Variants in RAB26 observed in about 807,000 individuals in gnomAD.
The protein encoded by RAB26 is ras-related protein Rab-26.
Under a neutral mutation model 33.1 loss-of-function variants are expected in RAB26, and 39 were observed. The ratio of observed to expected loss-of-function variants is 1.18; its 90% CI spans 0.91 to 1.54. The LOEUF is 1.54. Among genes scored for constraint, RAB26 ranks in the 40% most tolerant of loss-of-function variants. The probability of loss-of-function intolerance (pLI) is 0.00; values close to 1 mark genes in which losing one functional copy is unlikely to be tolerated. For synonymous variants in RAB26, 192 were observed against 151.9 expected (o/e 1.26, Z -1.94); for missense variants, 468 against 362.9 (o/e 1.29, Z -2.35).
At chr16:2,149,196 C>G (rs897125350) in intron 1 of RAB26, among the ~76,000 whole-genome samples, 1 of 152,154 alleles carries the variant, frequency 6.6e-6, no homozygotes, top group Non-Finnish European at 1.5e-5. Context: ...CCCCACCCCC[C>G]AGGCGGCATG....
chr16:2,151,945 T>A, intron 5 of RAB26, 37 bp downstream of exon 5: 2 of 1,612,522 alleles, frequency 1.2e-6, no homozygotes, highest in Non-Finnish European at 1.7e-6. Flanking sequence ...AGGGCCCTGA[T>A]AGGGCCTGAC....
chr16:2,148,354 G>A (rs1315758735), upstream of RAB26: 1 of 152,444 alleles, frequency 6.6e-6, no homozygotes, highest in Non-Finnish European at 1.5e-5. Flanking sequence ...GGGTCACCGA[G>A]CTGGGGTGGT....
rs539358584 is a variant in RAB26 at position 2,153,860 on chromosome 16, G to C, written c.*439G>C. 8 of 458,300 alleles carry C rather than the reference G, an allele frequency of 1.7e-5. No homozygotes were observed. Among genetic ancestry groups the C allele is most frequent in the Non-Finnish European group, 3.1e-5 (7 of 228,478 alleles). 28.4% of individuals were successfully genotyped at this position (458,300 alleles called of 1,614,324 possible). On this transcript the variant is annotated 3_prime_UTR_variant, in exon 9 of 9. Coordinates refer to ENST00000210187, the MANE Select transcript of RAB26 (RefSeq NM_014353.5). ...AAGGCTTCACTGCTAATCACATCGTGCATCTGTGTGTCCTGGGAGCTGCCT... is the reference window on the plus strand; with the variant it reads ...AAGGCTTCACTGCTAATCACATCGTCCATCTGTGTGTCCTGGGAGCTGCCT...
At position 2,153,058 on chromosome 16, in the gene RAB26, AG is replaced by A. The variant is rs766694246; in HGVS notation, c.591+19del. ...GAAGCTGGCCAAGGTGAGTCAGGGCAGGGGGGTGGTGAGGGGGTGCCCCTGG... is the reference window on the plus strand; with the variant it reads ...GAAGCTGGCCAAGGTGAGTCAGGGCAGGGGGTGGTGAGGGGGTGCCCCTGG... On this transcript the variant is annotated intron_variant, in intron 7 of 8. Coordinates refer to ENST00000210187, the MANE Select transcript of RAB26 (RefSeq NM_014353.5). 7 of 1,610,418 alleles carry A rather than the reference AG, an allele frequency of 4.3e-6. No individual in the cohort carries two copies. Among genetic ancestry groups the A allele is most frequent in the Non-Finnish European group, 5.9e-6 (7 of 1,177,848 alleles).
upstream of RAB26, chr16:2,148,311 C>G (rs567453457): frequency 6.6e-6 from 1 of 152,556 alleles, no homozygotes; most frequent in Admixed American, 6.5e-5. Context: ...TCTCAGGACA[C>G]CCCTTCCTCC....
chr16:2,153,375 ATTACG>A lies in RAB26; in HGVS notation c.729_733del (p.Tyr243Ter). 6.2e-7 allele frequency: 1 copy of A among 1,613,444 alleles called. No homozygotes were observed. The highest frequency in any genetic ancestry group is 8.5e-7 in the Non-Finnish European group (1 of 1,179,992). On this transcript the variant is annotated frameshift_variant, in exon 9 of 9. Transcript: ENST00000210187. LOFTEE classifies it high-confidence loss of function. The stretch of plus-strand genomic sequence containing the variant: ...AGCGAGCCGCGCTTCCGGCTGCATG[ATTACG>A]TTAAGAGGGAGGGTCGAGGGGCCTC...
At chr16:2,153,252 C>A in intron 8 of RAB26, 30 bp downstream of exon 8, 1 of 1,613,566 alleles carries the variant, frequency 6.2e-7, no homozygotes. Context: ...AGGACTCCCC[C>A]AGCCCAGGGC....
rs777444956 is a variant in RAB26, at chr16:2,153,064, G to C, written c.591+19G>C. ...GGCCAAGGTGAGTCAGGGCAGGGGG[G>C]TGGTGAGGGGGTGCCCCTGGAGGCT... On this transcript the variant is annotated intron_variant, in intron 7 of 8. Transcript: ENST00000210187. The C allele has an allele frequency of 1.2e-6, 2 of 1,611,670 alleles. No individual in the cohort carries two copies. Among genetic ancestry groups the C allele is most frequent in the Non-Finnish European group, 1.7e-6 (2 of 1,178,660 alleles).
Position 2,148,913 on chromosome 16 carries a change from G to C in RAB26, c.130G>C (p.Gly44Arg). 7.6e-7 allele frequency: 1 copy of C among 1,316,610 alleles called. No individual in the cohort carries two copies. The highest frequency in any genetic ancestry group is 9.7e-7 in the Non-Finnish European group (1 of 1,031,022). The allele number at this position is 1,316,610 out of a possible 1,614,324, so 81.6% of individuals were successfully genotyped here. Residue 44 changes from glycine (G) to arginine (R), a missense_variant, in exon 1 of 9, where the codon GGG (glycine) becomes CGG (arginine). Coordinates refer to ENST00000210187, the MANE Select transcript of RAB26 (RefSeq NM_014353.5). ...TTCCGGCCCCGACGCGCCGCCCAAC[G>C]GGCCCTTGCAGCCCGGCCGGCCCTC... ...ALSGPDAPPN[G>R]PLQPGRPSLG... is the part of the protein sequence containing the mutation.
At position 2,148,646 on chromosome 16, in the gene RAB26, T is replaced by A. The variant is rs1269303364; in HGVS notation, c.-138T>A. On this transcript the variant is annotated 5_prime_UTR_variant, in exon 1 of 9. An upstream start codon of the reference 5' UTR is lost. Coordinates refer to ENST00000210187, the MANE Select transcript of RAB26 (RefSeq NM_014353.5). ...CGGGGCGCGAGCCGGGCGCCCGGGA[T>A]GATGCCGCCGCCGCCGCCGCCGCCG... 1.0e-5 allele frequency: 6 copies of A among 575,176 alleles called. No homozygotes were observed. Among genetic ancestry groups the A allele is most frequent in the Non-Finnish European group, 1.3e-5 (6 of 468,120 alleles). 35.6% of individuals were successfully genotyped at this position (575,176 alleles called of 1,614,324 possible).
intron 1 of RAB26, among the ~76,000 whole-genome samples, chr16:2,149,303 C>CTTT (rs756125935): frequency 1.0e-4 from 12 of 116,004 alleles, no homozygotes; most frequent in Non-Finnish European, 1.4e-4. Flanking sequence ...GGCTGTGGGC[C>CTTT]TTTTTTTTTT....
At chr16:2,151,321 A>C (rs2093004232) in intron 2 of RAB26, 1 of 615,420 alleles carries the variant, frequency 1.6e-6, no homozygotes, top group African/African-American at 1.8e-5. Context: ...TGTCAGTAAG[A>C]GGCCTGGTGG....
At position 2,154,045 on chromosome 16, in the gene RAB26, T is replaced by C. The variant is rs576278839; in HGVS notation, c.*624T>C. On this transcript the variant is annotated 3_prime_UTR_variant, in exon 9 of 9. Transcript: ENST00000210187. ...CCGGCCTGGCCACAGGTGAGGTCTGTGATTTCCGAGCACGCTCCACCTTGC... is the reference window on the plus strand; with the variant it reads ...CCGGCCTGGCCACAGGTGAGGTCTGCGATTTCCGAGCACGCTCCACCTTGC... The C allele has an allele frequency of 2.9e-6, 1 of 347,870 alleles. No individual in the cohort carries two copies. Among genetic ancestry groups the C allele is most frequent in the Non-Finnish European group, 5.7e-6 (1 of 174,682 alleles). 21.5% of individuals were successfully genotyped at this position (347,870 alleles called of 1,614,324 possible). A position where few individuals can be genotyped will look rare whatever the true frequency, so the allele number is the denominator to read the frequency against.
rs554783082 is a variant in RAB26, at chr16:2,151,353, A to G, written c.307-216A>G. 21 of 638,552 alleles carry G rather than the reference A, an allele frequency of 3.3e-5. No homozygotes were observed. The South Asian group carries it at 3.6e-4, about 11-fold the overall frequency. The allele number at this position is 638,552 out of a possible 1,614,324, so 39.6% of individuals were successfully genotyped here. A position where few individuals can be genotyped will look rare whatever the true frequency, so the allele number is the denominator to read the frequency against. ...GTGGGGTCATGAGTTCAAATAAGTC[A>G]GCGTAAGAGGCTCTAAGCAGGAATA... On this transcript the variant is annotated intron_variant, in intron 2 of 8. Coordinates refer to ENST00000210187, the MANE Select transcript of RAB26 (RefSeq NM_014353.5).
chr16:2,151,035 C>T (rs2141251627), intron 2 of RAB26: 1 of 348,016 alleles, frequency 2.9e-6, no homozygotes, highest in Admixed American at 3.9e-5. Flanking sequence ...CCAGGCAGTT[C>T]TGGGATCTGC....
intron 2 of RAB26, 67 bp from the exon 3 acceptor site, chr16:2,151,502 G>A: frequency 6.2e-7 from 1 of 1,608,816 alleles, no homozygotes; most frequent in South Asian, 1.1e-5. Context: ...CAGGAAGGCA[G>A]TGAAGCTAGT....
Position 2,152,855 on chromosome 16 carries a change from C to A in RAB26, c.504C>A (p.His168Gln), listed in dbSNP as rs140758359. The A allele has an allele frequency of 1.9e-5, 30 of 1,607,886 alleles. No homozygotes were observed. In the African/African-American group the frequency reaches 3.5e-4, roughly 19 times the overall value. ...CCGAGATCCACGAGTACGCCCAGCA[C>A]GACGTGGCGCTCATGCTGCTGGGGA... Reference protein sequence around the residue: ...WLTEIHEYAQHDVALMLLGNK... With the variant: ...WLTEIHEYAQQDVALMLLGNK... The change falls in exon 6 of 9, where the codon CAC becomes CAA. Residue 168 changes from histidine to glutamine, a missense_variant. Transcript: ENST00000210187.
Position 2,151,770 on chromosome 16 carries a change from C to T in RAB26, c.415+9C>T, listed in dbSNP as rs2093005847. The T allele has an allele frequency of 6.2e-7, 1 of 1,613,802 alleles. No homozygotes were observed. The highest frequency in any genetic ancestry group is 8.5e-7 in the Non-Finnish European group (1 of 1,180,014). On this transcript the variant is annotated intron_variant, in intron 4 of 8. Transcript: ENST00000210187. The stretch of plus-strand genomic sequence containing the variant: ...CTACCGGGATGCTCATGGTGAGCCC[C>T]TGGGTACCTGGGCTGGTTGGGGCGG...
At chr16:2,150,225 C>T (rs903116245) in intron 2 of RAB26, among the ~76,000 whole-genome samples, 174 bp downstream of exon 2, 1 of 152,236 alleles carries the variant, frequency 6.6e-6, no homozygotes, top group Admixed American at 6.5e-5. Context: ...AGTTAGTTGC[C>T]CTATGCCAGG....
Sources: gnomAD v4.1 joint callset for allele counts (sites outside exome capture counted in the v4.1 genomes callset) on GRCh38, gnomAD v4.1.1 for gene constraint, MANE v1.5 for transcripts, NCBI Gene and HGNC (gene_info 2026-07-23, HGNC 2026-07-21) for gene names.